GPR19: variants seen among roughly 807,000 people sequenced by gnomAD.
GPR19 encodes the protein probable G protein-coupled receptor 19.
Under a neutral mutation model 28.5 loss-of-function variants are expected in GPR19, and 14 were observed. The observed-to-expected ratio is 0.49, with a 90% CI of 0.32 to 0.77. GPR19 has a LOEUF of 0.77. GPR19 is among the 30% of genes least tolerant of loss of function. GPR19 has a pLI of 0.03. For synonymous variants in GPR19, 173 were observed against 184.1 expected (o/e 0.94, Z 0.49); for missense variants, 409 against 504.1 (o/e 0.81, Z 1.81).
chr12:12,665,696 G>A (rs1031116010), intron 3 of GPR19, among the ~76,000 whole-genome samples: 6 of 151,592 alleles, frequency 4.0e-5, no homozygotes, highest in African/African-American at 1.5e-4. Flanking sequence ...AATTAGCCGG[G>A]CATGGTGGTG....
At position 12,662,274 on chromosome 12, in the gene GPR19, C is replaced by T. The variant is rs1034253899; in HGVS notation, c.175G>A (p.Val59Met). 1 of 1,614,092 alleles carries T rather than the reference C, an allele frequency of 6.2e-7. No individual in the cohort carries two copies. Among genetic ancestry groups the T allele is most frequent in the African/African-American group, 1.3e-5 (1 of 74,932 alleles). ...GTGGCCACTTCCCCGGGTTTCAGCA[C>T]ATAGTGAAGGTCTGTTTGGTTGCTC... ...WMSNQTDLHY[V>M]LKPGEVATAS... The change falls in exon 4 of 4, where the codon GTG becomes ATG. Residue 59 changes from valine (V) to methionine (M), a missense_variant. Physicochemically the swap from Val to Met is conservative, Grantham distance 21. Coordinates refer to ENST00000651487, the MANE Select transcript of GPR19 (RefSeq NM_006143.3).
the GPR19 span, among the ~76,000 whole-genome samples, chr12:12,701,285 A>C: frequency 6.6e-6 from 1 of 152,160 alleles, no homozygotes; most frequent in African/African-American, 2.4e-5. Flanking sequence ...TTTTCTCTTT[A>C]ATTGTGAGAA....
chr12:12,661,179 T>C lies in GPR19; in HGVS notation c.*22A>G. 6.5e-7 allele frequency: 1 copy of C among 1,548,396 alleles called. No individual in the cohort carries two copies. Among genetic ancestry groups the C allele is most frequent in the Non-Finnish European group, 8.8e-7 (1 of 1,137,884 alleles). Reference sequence around the variant, plus strand: ...TTAAAGCTTTTTAATCTCTGGTGCATAACAATTGAAAGAATGAGAACTTAG... The same window carrying C: ...TTAAAGCTTTTTAATCTCTGGTGCACAACAATTGAAAGAATGAGAACTTAG... On this transcript the variant is annotated 3_prime_UTR_variant, in exon 4 of 4. Transcript: ENST00000651487. This position sits in a 1 kb window ranked among gnomAD's most constrained non-coding sequence, Gnocchi z 4.2.
In GPR19 at chr12:12,684,463, A is replaced by G. The variant is rs11055017; in HGVS notation, c.-135T>C. The G allele has an allele frequency of 8.5e-3, 1,293 of 152,422 alleles. 10 individuals carry two copies. The highest frequency in any genetic ancestry group is 0.022 in the South Asian group (106 of 4,828). The allele number at this position is 152,422 out of a possible 1,614,324, so 9.4% of individuals were successfully genotyped here. A position where few individuals can be genotyped will look rare whatever the true frequency, so the allele number is the denominator to read the frequency against. On this transcript the variant is annotated 5_prime_UTR_variant, in exon 3 of 4. An upstream start codon of the reference 5' UTR is lost. Transcript: ENST00000651487. ...AACCACCAGGAAAGCCTGGAAACAC[A>G]TTCATTTCTGTCCTCTGCCTTCCCC...
chr12:12,677,597 C>T (rs1471181143), intron 3 of GPR19, among the ~76,000 whole-genome samples: 3 of 151,830 alleles, frequency 2.0e-5, no homozygotes, highest in African/African-American at 4.8e-5. Context: ...AATTTAATAT[C>T]GCATTAACAT....
chr12:12,673,821 G>T (rs1233941176), intron 3 of GPR19, among the ~76,000 whole-genome samples: 3 of 152,096 alleles, frequency 2.0e-5, no homozygotes, highest in African/African-American at 4.8e-5. Flanking sequence ...TTCATCGCAG[G>T]TTTCAGGCAA....
chr12:12,676,977 C>T (rs1202420796), intron 3 of GPR19, among the ~76,000 whole-genome samples: 1 of 152,158 alleles, frequency 6.6e-6, no homozygotes, highest in Non-Finnish European at 1.5e-5. Flanking sequence ...AAGCAAAGAA[C>T]AACGAAGTAG....
In GPR19 at chr12:12,661,006, A is replaced by C; in HGVS notation, c.*195T>G. On this transcript the variant is annotated 3_prime_UTR_variant, in exon 4 of 4. Transcript: ENST00000651487. The surrounding 1 kb of genome is among the most constrained non-coding windows in gnomAD (Gnocchi z 4.2). Reference sequence around the variant, plus strand: ...TAAAAGGACTGTTGGCTAAAGTTCAAAGTGAACGCTTTTCCTAAAACATAA... The same window carrying C: ...TAAAAGGACTGTTGGCTAAAGTTCACAGTGAACGCTTTTCCTAAAACATAA... The C allele has an allele frequency of 1.9e-6, 1 of 519,226 alleles. No homozygotes were observed. The highest frequency in any genetic ancestry group is 3.4e-6 in the Non-Finnish European group (1 of 297,700). The allele number at this position is 519,226 out of a possible 1,614,324, so 32.2% of individuals were successfully genotyped here.
chr12:12,681,489 G>C (rs550161155), intron 3 of GPR19, among the ~76,000 whole-genome samples: 11 of 152,292 alleles, frequency 7.2e-5, no homozygotes, highest in Non-Finnish European at 1.2e-4. Context: ...TGGTTGAGTA[G>C]GTTGCCCCCT....
rs1404312099 is a variant in GPR19 at position 12,676,276 on chromosome 12, CCT to C, written c.-23+8073_-23+8074del. ...CCTTAAGTAAATCAACCTCCTTGAA[CCT>C]CTGTTTCCATATCTACAATATGCAT... On this transcript the variant is annotated intron_variant, in intron 3 of 3. Transcript: ENST00000651487. Among the ~76,000 whole-genome samples the C allele has an allele frequency of 3.9e-5, 6 of 152,282 alleles. No homozygotes were observed. The South Asian group carries it at 8.3e-4, about 21-fold the overall frequency.
At chr12:12,688,134 A>G (rs1195771189) in intron 2 of GPR19, among the ~76,000 whole-genome samples, 1 of 152,216 alleles carries the variant, frequency 6.6e-6, no homozygotes, top group Non-Finnish European at 1.5e-5. Flanking sequence ...GATTACTTAT[A>G]AAGTGCAAAG....
At chr12:12,672,932 G>A (rs115148302) in intron 3 of GPR19, among the ~76,000 whole-genome samples, 111 of 152,296 alleles carry the variant, frequency 7.3e-4, no homozygotes, top group African/African-American at 2.5e-3. Flanking sequence ...TGTTTTTATG[G>A]AGCTTACTTC....
At chr12:12,701,361 T>C in the GPR19 span, among the ~76,000 whole-genome samples, 1 of 152,220 alleles carries the variant, frequency 6.6e-6, no homozygotes, top group Non-Finnish European at 1.5e-5. Context: ...CAATGTAATT[T>C]CTGAATTATA....
chr12:12,682,906 C>T (rs1215184389), intron 3 of GPR19, among the ~76,000 whole-genome samples: 1 of 152,062 alleles, frequency 6.6e-6, no homozygotes, highest in Non-Finnish European at 1.5e-5. Flanking sequence ...AAATAATTTG[C>T]AAAAGATACC....
chr12:12,697,090 C>T (rs1013479946), upstream of GPR19, among the ~76,000 whole-genome samples: 36 of 136,608 alleles, frequency 2.6e-4, no homozygotes, highest in African/African-American at 9.0e-4. Context: ...AACCTAAGGT[C>T]CTCTTGCTCG....
chr12:12,670,929 CT>C (rs1945847861), intron 3 of GPR19, among the ~76,000 whole-genome samples: 1 of 152,108 alleles, frequency 6.6e-6, no homozygotes, highest in South Asian at 2.1e-4. Flanking sequence ...CCAGATCAAA[CT>C]TTTTAAGGTA....
the GPR19 span, among the ~76,000 whole-genome samples, chr12:12,716,577 A>G: frequency 5.3e-4 from 80 of 151,390 alleles, no homozygotes; most frequent in Non-Finnish European, 8.4e-4. Flanking sequence ...GACAGCTACA[A>G]AGTTTATTAA....
intron 2 of GPR19, among the ~76,000 whole-genome samples, chr12:12,692,703 G>T (rs1485252718): frequency 6.1e-5 from 9 of 146,806 alleles, no homozygotes; most frequent in Admixed American, 4.1e-4. Context: ...TGTTTTTTTT[G>T]TTTTTTTTTT....
the GPR19 span, among the ~76,000 whole-genome samples, chr12:12,715,274 C>T: frequency 6.6e-6 from 1 of 152,260 alleles, no homozygotes; most frequent in East Asian, 1.9e-4. Flanking sequence ...GGAGGCCTAC[C>T]CTAATTTTCC....
Sources: gnomAD v4.1 joint callset for allele counts (sites outside exome capture counted in the v4.1 genomes callset) on GRCh38, gnomAD v4.1.1 for gene constraint, Gnocchi (gnomAD v3.1) non-coding constraint, MANE v1.5 for transcripts, NCBI Gene and HGNC (gene_info 2026-07-23, HGNC 2026-07-21) for gene names.